Variants in NCKAP1L observed in about 807,000 individuals in gnomAD.
NCKAP1L encodes NCK associated protein 1 like.
A neutral mutation model predicts 139.2 loss-of-function variants in NCKAP1L; 53 were observed. That is an observed-to-expected ratio of 0.38 (90% CI 0.31 to 0.48). The LOEUF is 0.48. Among genes scored for constraint, NCKAP1L ranks in the 20% least tolerant of loss-of-function variants. NCKAP1L has a pLI of 0.98. For missense variants in NCKAP1L, 1,151 were observed against 1,381.9 expected (o/e 0.83, Z 2.65); for synonymous variants, 468 against 499.7 (o/e 0.94, Z 0.85).
In NCKAP1L at chr12:54,542,665, C is replaced by A; in HGVS notation, c.3364C>A (p.Arg1122=). The part of the protein sequence containing the change: ...LLRNAYREVS[R]AFHLN Reference sequence around the variant, plus strand: ...TCGAAATGCCTATCGGGAGGTGTCTCGGGCCTTCCACCTAAACTGAATGCC... The same window carrying A: ...TCGAAATGCCTATCGGGAGGTGTCTAGGGCCTTCCACCTAAACTGAATGCC... Residue 1122 remains arginine, a synonymous_variant, in exon 31 of 31, where the codon CGG becomes AGG. Transcript: ENST00000293373. The A allele has an allele frequency of 6.2e-7, 1 of 1,607,708 alleles. No homozygotes were observed. The highest frequency in any genetic ancestry group is 8.5e-7 in the Non-Finnish European group (1 of 1,175,920).
chr12:54,513,466 T>C (rs1592341301), intron 9 of NCKAP1L, among the ~76,000 whole-genome samples: 1 of 152,070 alleles, frequency 6.6e-6, no homozygotes. Context: ...CAGGAGCACA[T>C]GTGGAGTGAG....
In NCKAP1L at chr12:54,545,697, A is replaced by T. The variant is rs1240340188; in HGVS notation, c.*3012A>T. 6.6e-6 allele frequency: 1 copy of T among 152,238 alleles called. No homozygotes were observed. Among genetic ancestry groups the T allele is most frequent in the Non-Finnish European group, 1.5e-5 (1 of 68,034 alleles). 9.4% of individuals were successfully genotyped at this position (152,238 alleles called of 1,614,324 possible). A position where few individuals can be genotyped will look rare whatever the true frequency, so the allele number is the denominator to read the frequency against. ...AAGGAACTAAAGAATGGATATCAGA[A>T]ATCTCACCCCAATTGTTTTGTCTTA... On this transcript the variant is annotated 3_prime_UTR_variant, in exon 31 of 31. Coordinates refer to ENST00000293373, the MANE Select transcript of NCKAP1L (RefSeq NM_005337.5).
chr12:54,531,748 G>A lies in NCKAP1L; in HGVS notation c.2704G>A (p.Glu902Lys), dbSNP rs1957073479. The A allele has an allele frequency of 6.2e-7, 1 of 1,611,180 alleles. No individual in the cohort carries two copies. The highest frequency in any genetic ancestry group is 1.1e-5 in the South Asian group (1 of 91,054). The change falls in exon 25 of 31, where the codon GAA becomes AAA. Residue 902 changes from glutamate (E) to lysine (K), a missense_variant. Coordinates refer to ENST00000293373, the MANE Select transcript of NCKAP1L (RefSeq NM_005337.5). ...ASLLPQLTGAENVLKRMTIIG... is the reference protein window; with the variant it reads ...ASLLPQLTGAKNVLKRMTIIG... ...ACACGCTTCTTTCTCCTCAGGGGCT[G>A]AAAATGTGCTAAAGCGCATGACCAT...
Position 54,526,400 on chromosome 12 carries a change from G to A in NCKAP1L, c.2157-128G>A. 3 of 700,230 alleles carry A rather than the reference G, an allele frequency of 4.3e-6. No homozygotes were observed. In the South Asian group the frequency reaches 5.2e-5, roughly 12 times the overall value. 43.4% of individuals were successfully genotyped at this position (700,230 alleles called of 1,614,324 possible). A position where few individuals can be genotyped will look rare whatever the true frequency, so the allele number is the denominator to read the frequency against. ...TCTCTAGCTTATTAGGTTACTATGA[G>A]GTTTACATGAGATAATATGTGTAGT... On this transcript the variant is annotated intron_variant, in intron 20 of 30. Coordinates refer to ENST00000293373, the MANE Select transcript of NCKAP1L (RefSeq NM_005337.5).
At chr12:54,538,630 T>C (rs550318619) in intron 29 of NCKAP1L, among the ~76,000 whole-genome samples, 1 of 152,334 alleles carries the variant, frequency 6.6e-6, no homozygotes, top group South Asian at 2.1e-4. Context: ...GTCGTTTCCC[T>C]GCCCCTTGCA....
At chr12:54,504,869 C>T (rs1189884181) in intron 3 of NCKAP1L, among the ~76,000 whole-genome samples, 8 of 152,164 alleles carry the variant, frequency 5.3e-5, no homozygotes, top group Admixed American at 4.6e-4. Context: ...ATGTTATTTC[C>T]GTTCCCTTCT....
intron 9 of NCKAP1L, 178 bp downstream of exon 9, chr12:54,512,283 C>G: frequency 1.7e-6 from 1 of 578,326 alleles, no homozygotes; most frequent in Non-Finnish European, 2.9e-6. Context: ...TTTAGGGACA[C>G]AATAATGAAT....
intron 2 of NCKAP1L, among the ~76,000 whole-genome samples, chr12:54,499,887 C>G (rs1956783350): frequency 6.6e-6 from 1 of 152,156 alleles, no homozygotes; most frequent in South Asian, 2.1e-4. Context: ...GATTTTTCAC[C>G]CATCTTTGTA....
chr12:54,499,779 TTGTTTC>T (rs71070824), intron 2 of NCKAP1L, among the ~76,000 whole-genome samples: 31,702 of 152,056 alleles, frequency 0.21, 4,056 homozygotes, highest in Non-Finnish European at 0.3. Flanking sequence ...ATGTATTTTA[TTGTTTC>T]TGTTTCCCAC....
chr12:54,535,531 C>T (rs1275394979), intron 27 of NCKAP1L, among the ~76,000 whole-genome samples: 1 of 152,134 alleles, frequency 6.6e-6, no homozygotes, highest in African/African-American at 2.4e-5. Context: ...GCAAATGAAA[C>T]AATGAGAGAA....
At chr12:54,539,119 T>C in intron 30 of NCKAP1L, 146 bp downstream of exon 30, 1 of 650,678 alleles carries the variant, frequency 1.5e-6, no homozygotes, top group Non-Finnish European at 2.7e-6. Context: ...CTGAATGTAG[T>C]CCTCACATTC....
chr12:54,519,248 T>G lies in NCKAP1L; in HGVS notation c.1541T>G (p.Val514Gly), dbSNP rs1384024648. 1 of 1,589,096 alleles carries G rather than the reference T, an allele frequency of 6.3e-7. No homozygotes were observed. Among genetic ancestry groups the G allele is most frequent in the African/African-American group, 1.4e-5 (1 of 73,130 alleles). The change falls in exon 16 of 31, where the codon GTG (valine) becomes GGG (glycine). Residue 514 changes from valine (V) to glycine (G), a missense_variant. Val to Gly is a moderately radical substitution (Grantham distance 109, BLOSUM62 -3). Coordinates refer to ENST00000293373, the MANE Select transcript of NCKAP1L (RefSeq NM_005337.5). ...CATGAGAACCCTGACTTAGCCAAGG[T>G]GATGAACCTCATTGTCTTCCACTCC... ...HLHENPDLAK[V>G]MNLIVFHSRM...
chr12:54,530,988 G>A (rs4759089), intron 22 of NCKAP1L, among the ~76,000 whole-genome samples: 35,955 of 151,994 alleles, frequency 0.24, 4,535 homozygotes, highest in Middle Eastern at 0.32. Context: ...AAAGGAACAC[G>A]GGAAAGTATA....
At chr12:54,503,381 C>T (rs766156127) in intron 3 of NCKAP1L, among the ~76,000 whole-genome samples, 18 of 151,426 alleles carry the variant, frequency 1.2e-4, no homozygotes, top group Admixed American at 3.3e-4. Context: ...AAATTAATGT[C>T]GTAATTTTAC....
At chr12:54,529,369 T>A (rs1425576931) in intron 22 of NCKAP1L, among the ~76,000 whole-genome samples, 1 of 152,144 alleles carries the variant, frequency 6.6e-6, no homozygotes, top group Non-Finnish European at 1.5e-5. Flanking sequence ...AACTACAAGA[T>A]CCTTTTTAAT....
chr12:54,517,048 G>A, intron 11 of NCKAP1L, 56 bp downstream of exon 11: 1 of 1,480,386 alleles, frequency 6.8e-7, no homozygotes, highest in Non-Finnish European at 9.4e-7. Context: ...AGACTGTGTA[G>A]CTACGTGGCA....
At position 54,545,981 on chromosome 12, in the gene NCKAP1L, G is replaced by C. The variant is rs1957194111; in HGVS notation, c.*3296G>C. The C allele has an allele frequency of 6.6e-6, 1 of 152,246 alleles. No individual in the cohort carries two copies. The highest frequency in any genetic ancestry group is 2.4e-5 in the African/African-American group (1 of 41,438). 9.4% of individuals were successfully genotyped at this position (152,246 alleles called of 1,614,324 possible). Reference sequence around the variant, plus strand: ...GTGGTGGCTCACCCCTGTAATCCCAGCACTTTGGGAGGCAGGCGGATCGCT... The same window carrying C: ...GTGGTGGCTCACCCCTGTAATCCCACCACTTTGGGAGGCAGGCGGATCGCT... On this transcript the variant is annotated 3_prime_UTR_variant, in exon 31 of 31. Coordinates refer to ENST00000293373, the MANE Select transcript of NCKAP1L (RefSeq NM_005337.5).
At chr12:54,527,729 C>G (rs960448489) in intron 21 of NCKAP1L, among the ~76,000 whole-genome samples, 1 of 152,110 alleles carries the variant, frequency 6.6e-6, no homozygotes, top group Admixed American at 6.5e-5. Context: ...CTGGGAGAGG[C>G]GGGTTGGTCA....
At chr12:54,506,455 T>G (rs899473214) in intron 3 of NCKAP1L, among the ~76,000 whole-genome samples, 6 of 151,762 alleles carry the variant, frequency 4.0e-5, no homozygotes, top group Admixed American at 2.6e-4. Context: ...CAGGCTGGAG[T>G]GCAGTGGCAT....
Sources: allele counts gnomAD v4.1 joint callset (sites outside exome capture counted in the v4.1 genomes callset), GRCh38; gene constraint gnomAD v4.1.1; transcripts MANE v1.5; gene names NCBI Gene and HGNC (gene_info 2026-07-23, HGNC 2026-07-21).